The following TENM1 variants were observed in gnomAD, a reference collection of about 807,000 sequenced individuals.
TENM1 encodes teneurin-1.
In TENM1, 35 loss-of-function variants were observed where a neutral mutation model predicts 174.8. That is an observed-to-expected ratio of 0.20 (90% confidence interval 0.15 to 0.27). TENM1 has a LOEUF of 0.27. Among genes scored for constraint, TENM1 ranks in the 10% least tolerant of loss-of-function variants. The pLI is 1.00. For missense variants in TENM1, 1,633 were observed against 2,130.1 expected (o/e 0.77, Z 4.59); for synonymous variants, 781 against 798.7 (o/e 0.98, Z 0.37).
chrX:124,709,879 C>T (rs2053002976), intron 4 of TENM1, among the ~76,000 whole-genome samples: 1 of 111,061 alleles, frequency 9.0e-6, no homozygotes, highest in Non-Finnish European at 1.9e-5. Context: ...AATGGGTAAG[C>T]ATTACAAAGA....
chrX:124,440,472 A>G (rs757438267), intron 23 of TENM1, among the ~76,000 whole-genome samples: 2 of 112,042 alleles, frequency 1.8e-5, no homozygotes, highest in South Asian at 7.5e-4. Flanking sequence ...AGCCTTCATA[A>G]GGAGGAATAA....
At chrX:125,011,665 A>T in the TENM1 span, among the ~76,000 whole-genome samples, 7 of 112,039 alleles carry the variant, frequency 6.2e-5, no homozygotes, top group African/African-American at 2.3e-4. Context: ...CAGAATGGCA[A>T]TTATTAAAAA....
intron 3 of TENM1, among the ~76,000 whole-genome samples, chrX:124,856,783 C>G (rs1339857986): frequency 1.8e-5 from 2 of 111,135 alleles, no homozygotes; most frequent in African/African-American, 6.5e-5. Context: ...GATTTGAAAT[C>G]TGAAGTTTAC....
At chrX:124,635,261 G>A (rs1401439763) in intron 11 of TENM1, among the ~76,000 whole-genome samples, 1 of 111,970 alleles carries the variant, frequency 8.9e-6, no homozygotes, top group Non-Finnish European at 1.9e-5. Flanking sequence ...GTCACTGTGT[G>A]TGAATACATG....
At chrX:124,949,927 G>C (rs1335267415) in intron 1 of TENM1, among the ~76,000 whole-genome samples, 1 of 111,314 alleles carries the variant, frequency 9.0e-6, no homozygotes, top group Non-Finnish European at 1.9e-5. Flanking sequence ...ACATAGGGTA[G>C]AGGAGTCTTA....
the TENM1 span, among the ~76,000 whole-genome samples, chrX:125,091,478 T>G: frequency 1.8e-5 from 2 of 111,485 alleles, no homozygotes; most frequent in Non-Finnish European, 3.8e-5. Context: ...CATAGCCAAC[T>G]AACAGGAAAC....
chrX:124,459,963 C>G (rs1489767432), intron 22 of TENM1, among the ~76,000 whole-genome samples: 1 of 111,997 alleles, frequency 8.9e-6, no homozygotes, highest in Non-Finnish European at 1.9e-5. Flanking sequence ...ATGTGGCCAA[C>G]AAGCATATGA....
chrX:124,860,446 A>G (rs981547784), intron 3 of TENM1, among the ~76,000 whole-genome samples: 1 of 112,107 alleles, frequency 8.9e-6, no homozygotes, highest in South Asian at 3.7e-4. Context: ...AAGAACATGC[A>G]GCAGTCTTTT....
chrX:125,179,446 T>C, the TENM1 span, among the ~76,000 whole-genome samples: 3 of 70,163 alleles, frequency 4.3e-5, no homozygotes, highest in African/African-American at 1.7e-4. Context: ...AGACCCCATC[T>C]CTACAAAAAA....
chrX:125,151,128 C>G, the TENM1 span, among the ~76,000 whole-genome samples: 1 of 111,794 alleles, frequency 8.9e-6, no homozygotes, highest in East Asian at 2.8e-4. Flanking sequence ...TAATGCATCC[C>G]GAGCTTATAG....
chrX:124,379,316 T>C (rs1166466224), exon 32 of TENM1: 2 of 112,620 alleles, frequency 1.8e-5, no homozygotes, highest in African/African-American at 6.5e-5. Flanking sequence ...TGCCTCTCTA[T>C]AGTTAGTTGA....
intron 4 of TENM1, among the ~76,000 whole-genome samples, chrX:124,713,552 G>A (rs2053112069): frequency 8.9e-6 from 1 of 112,449 alleles, no homozygotes; most frequent in Non-Finnish European, 1.9e-5. Context: ...ACAGGCGTGA[G>A]CCACCATGCC....
At chrX:124,987,701 T>TTGTGTGTG in the TENM1 span, among the ~76,000 whole-genome samples, 2,272 of 91,324 alleles carry the variant, frequency 0.025, 42 homozygotes, top group African/African-American at 0.049. Context: ...GTTCTGCATT[T>TTGTGTGTG]TGTGTGTGTG....
At chrX:125,088,586 T>A in the TENM1 span, among the ~76,000 whole-genome samples, 824 of 110,896 alleles carry the variant, frequency 7.4e-3, 9 homozygotes, top group African/African-American at 0.026. Context: ...TTTTTTAAAA[T>A]TTTTTTTAAA....
intron 3 of TENM1, among the ~76,000 whole-genome samples, chrX:124,892,093 C>T (rs945858887): frequency 3.6e-5 from 4 of 111,587 alleles, no homozygotes; most frequent in Non-Finnish European, 5.6e-5. Context: ...TAGAATAAAG[C>T]ATGATGGTTG....
At chrX:124,889,964 C>T (rs892667989) in intron 3 of TENM1, among the ~76,000 whole-genome samples, 3 of 111,561 alleles carry the variant, frequency 2.7e-5, no homozygotes, top group African/African-American at 9.7e-5. Flanking sequence ...AATTCCTTGA[C>T]ATTGGGGAAT....
chrX:124,539,507 C>A (rs2048274903), intron 15 of TENM1, among the ~76,000 whole-genome samples: 1 of 111,847 alleles, frequency 8.9e-6, no homozygotes, highest in South Asian at 3.7e-4. Flanking sequence ...AGAAATGAAC[C>A]AAGTAAACAT....
intron 5 of TENM1, among the ~76,000 whole-genome samples, chrX:124,692,838 C>T (rs1034178556): frequency 1.9e-4 from 20 of 107,011 alleles, no homozygotes; most frequent in African/African-American, 6.5e-4. Flanking sequence ...GAAGCCCCGT[C>T]TCCACTAAAA....
At chrX:125,107,242 A>T in the TENM1 span, among the ~76,000 whole-genome samples, 2 of 112,241 alleles carry the variant, frequency 1.8e-5, no homozygotes, top group South Asian at 7.3e-4. Flanking sequence ...ATCATAGTTC[A>T]TTTAAACAGC....
Sources: gnomAD v4.1 joint callset for allele counts (sites outside exome capture counted in the v4.1 genomes callset) on GRCh38, gnomAD v4.1.1 for gene constraint, MANE v1.5 for transcripts, NCBI Gene and HGNC (gene_info 2026-07-23, HGNC 2026-07-21) for gene names.